The following CAMTA1 variants were observed in gnomAD, a reference collection of about 807,000 sequenced individuals.
CAMTA1 encodes calmodulin-binding transcription activator 1.
In CAMTA1, 27 loss-of-function variants were observed where a neutral mutation model predicts 170.9. The ratio of observed to expected loss-of-function variants is 0.16; its 90% confidence interval spans 0.12 to 0.22. The LOEUF (loss-of-function observed/expected upper bound fraction) is 0.22. CAMTA1 is among the 10% of genes least tolerant of loss of function. CAMTA1 has a pLI of 1.00. For missense variants in CAMTA1, 1,619 were observed against 2,217.2 expected, an observed-to-expected ratio of 0.73 and a Z score of 5.42; for synonymous variants, 833 against 891.5, an observed-to-expected ratio of 0.93 and a Z score of 1.17.
intron 3 of CAMTA1, among the ~76,000 whole-genome samples, chr1:6,948,950 C>T (rs1473077171): frequency 6.6e-6 from 1 of 152,160 alleles, no homozygotes; most frequent in Non-Finnish European, 1.5e-5. Context: ...ACGTGTGTCT[C>T]CTTGTGTGTT....
At chr1:6,850,675 A>G (rs1218456080) in intron 3 of CAMTA1, among the ~76,000 whole-genome samples, 1 of 152,230 alleles carries the variant, frequency 6.6e-6, no homozygotes, top group Non-Finnish European at 1.5e-5. Flanking sequence ...GAGGTAGGGA[A>G]GCCCAAGATG....
chr1:6,986,146 G>A (rs999111428), intron 3 of CAMTA1, among the ~76,000 whole-genome samples: 6 of 152,190 alleles, frequency 3.9e-5, no homozygotes, highest in Non-Finnish European at 7.4e-5. Context: ...CGGAGGGTCT[G>A]GGGGAATGAG....
intron 3 of CAMTA1, among the ~76,000 whole-genome samples, chr1:6,856,618 T>C (rs1662509170): frequency 6.6e-6 from 1 of 152,108 alleles, no homozygotes; most frequent in Non-Finnish European, 1.5e-5. Flanking sequence ...AATCTTGCTT[T>C]CAAAGGGAGA....
intron 21 of CAMTA1, 140 bp downstream of exon 21, chr1:7,752,673 G>GTAGAGCTC (rs2096905751): frequency 1.6e-6 from 1 of 632,688 alleles, no homozygotes; most frequent in African/African-American, 1.9e-5. Flanking sequence ...CAATAGGGCG[G>GTAGAGCTC]TAGAGCTCTT....
chr1:7,544,628 G>T (rs190840172), intron 6 of CAMTA1, among the ~76,000 whole-genome samples: 1 of 152,328 alleles, frequency 6.6e-6, no homozygotes, highest in Admixed American at 6.5e-5. Flanking sequence ...AGTCCATTTA[G>T]TGTTGCTATA....
At chr1:7,218,887 T>G (rs960786207) in intron 4 of CAMTA1, among the ~76,000 whole-genome samples, 5 of 152,152 alleles carry the variant, frequency 3.3e-5, no homozygotes, top group Non-Finnish European at 7.4e-5. Context: ...TTGTTCTTCT[T>G]GTTGATCTGT....
chr1:6,991,946 C>T (rs2100447303), intron 3 of CAMTA1, among the ~76,000 whole-genome samples: 1 of 152,350 alleles, frequency 6.6e-6, no homozygotes, highest in Admixed American at 6.5e-5. Flanking sequence ...AAGTGATCCG[C>T]CTGCCTCGGC....
chr1:7,719,529 C>T (rs966710619), intron 11 of CAMTA1, among the ~76,000 whole-genome samples: 2 of 152,180 alleles, frequency 1.3e-5, no homozygotes, highest in Admixed American at 6.5e-5. Flanking sequence ...CAGCATTGCT[C>T]ATTGCCATTT....
At position 7,234,993 on chromosome 1, in the gene CAMTA1, G is replaced by A. The variant is rs1158951545; in HGVS notation, c.303-14498G>A. Among the ~76,000 whole-genome samples the A allele has an allele frequency of 6.6e-6, 1 of 151,948 alleles. No homozygotes were observed. Among genetic ancestry groups the A allele is most frequent in the East Asian group, 1.9e-4 (1 of 5,136 alleles). ...GTAGAGATGGGGTTTCACCATGTCG[G>A]TCAGGCTGGTCTCGAACTCCTGACC... On this transcript the variant is annotated intron_variant, in intron 4 of 22. Transcript: ENST00000303635. The surrounding 1 kb of genome is among the most constrained non-coding windows in gnomAD (Gnocchi z 5.0).
chr1:7,584,865 C>A lies in CAMTA1; in HGVS notation c.511-55535C>A, dbSNP rs192474068. ...GGAGGCCGGGGACACTGTAAACATC[C>A]TGCAATGCACCGGACAGCCCCCACG... On this transcript the variant is annotated intron_variant, in intron 6 of 22. Transcript: ENST00000303635. 4.4e-3 allele frequency among the ~76,000 whole-genome samples: 670 copies of A among 152,294 alleles called. 2 individuals carry two copies. Among genetic ancestry groups the A allele is most frequent in the African/African-American group, 0.015 (607 of 41,560 alleles).
chr1:6,902,078 A>AATAAAT (rs1553180483), intron 3 of CAMTA1, among the ~76,000 whole-genome samples: 5 of 86,498 alleles, frequency 5.8e-5, no homozygotes, highest in Admixed American at 1.2e-4. Flanking sequence ...CACACAAAAA[A>AATAAAT]AAAAATAAAA....
intron 4 of CAMTA1, among the ~76,000 whole-genome samples, chr1:7,101,806 CACAA>C (rs35471798): frequency 0.26 from 39,265 of 151,954 alleles, 5,337 homozygotes; most frequent in African/African-American, 0.34. Flanking sequence ...GTGCACACAG[CACAA>C]ACACATATAC....
intron 3 of CAMTA1, among the ~76,000 whole-genome samples, chr1:6,921,078 C>T (rs1477534614): frequency 6.6e-6 from 1 of 152,220 alleles, no homozygotes. Flanking sequence ...AATTGCATTG[C>T]AAATTTTCCA....
chr1:7,359,962 T>A (rs1360385469), intron 5 of CAMTA1, among the ~76,000 whole-genome samples: 1 of 152,128 alleles, frequency 6.6e-6, no homozygotes, highest in Non-Finnish European at 1.5e-5. Context: ...AGGGCTGGTT[T>A]CTTCTGAGGC....
rs1046919289 is a variant in CAMTA1, at chr1:7,580,988, T to A, written c.511-59412T>A. Reference sequence around the variant, plus strand: ...AAGGTTGTTGAGAAAATGGAACGACTGCAGAGCTTAGTAAAGTGCCACCAC... The same window carrying A: ...AAGGTTGTTGAGAAAATGGAACGACAGCAGAGCTTAGTAAAGTGCCACCAC... On this transcript the variant is annotated intron_variant, in intron 6 of 22. Transcript: ENST00000303635. The surrounding 1 kb of genome is among the most constrained non-coding windows in gnomAD (Gnocchi z 4.3). 5.3e-5 allele frequency among the ~76,000 whole-genome samples: 8 copies of A among 152,334 alleles called. No homozygotes were observed. The highest frequency in any genetic ancestry group is 1.9e-4 in the African/African-American group (8 of 41,584).
At chr1:7,006,894 G>C (rs148396934) in intron 3 of CAMTA1, among the ~76,000 whole-genome samples, 9 of 151,572 alleles carry the variant, frequency 5.9e-5, no homozygotes, top group African/African-American at 1.9e-4. Context: ...TTTTTTTCCC[G>C]GTTGGAGGAC....
At chr1:7,539,103 G>C (rs888216415) in intron 6 of CAMTA1, among the ~76,000 whole-genome samples, 1 of 152,210 alleles carries the variant, frequency 6.6e-6, no homozygotes, top group Non-Finnish European at 1.5e-5. Context: ...GGGCCTTCCA[G>C]TGTTTTATAC....
chr1:7,553,562 G>A (rs572827326), intron 6 of CAMTA1, among the ~76,000 whole-genome samples: 5 of 152,216 alleles, frequency 3.3e-5, no homozygotes, highest in Non-Finnish European at 7.3e-5. Flanking sequence ...ACCCTCTTTG[G>A]TGTCCCCCAT....
chr1:6,814,445 C>T (rs1205886463), intron 1 of CAMTA1, among the ~76,000 whole-genome samples: 4 of 152,136 alleles, frequency 2.6e-5, no homozygotes, highest in Admixed American at 6.5e-5. Context: ...GGTATCATGC[C>T]TTTTCCTTAT....
Sources: gnomAD v4.1 joint callset for allele counts (sites outside exome capture counted in the v4.1 genomes callset) on GRCh38, gnomAD v4.1.1 for gene constraint, Gnocchi (gnomAD v3.1) non-coding constraint, MANE v1.5 for transcripts, NCBI Gene and HGNC (gene_info 2026-07-23, HGNC 2026-07-21) for gene names.